Variants in EPB41L4B observed in about 807,000 individuals in gnomAD.
The protein encoded by EPB41L4B is erythrocyte membrane protein band 4.1 like 4B, also known as band 4.1-like protein 4B.
In EPB41L4B, 30 loss-of-function variants were observed where a neutral mutation model predicts 112.5. The observed-to-expected ratio is 0.27, with a 90% CI of 0.20 to 0.36. The LOEUF (loss-of-function observed/expected upper bound fraction) is 0.36. EPB41L4B is among the 10% of genes least tolerant of loss of function. The pLI is 1.00. For missense variants in EPB41L4B, 1,024 were observed against 1,133.3 expected (o/e 0.90, Z 1.38); for synonymous variants, 408 against 439.7 (o/e 0.93, Z 0.90).
intron 11 of EPB41L4B, 63 bp downstream of exon 11, chr9:109,255,448 G>A: frequency 6.3e-7 from 1 of 1,585,272 alleles, no homozygotes; most frequent in South Asian, 1.1e-5. Flanking sequence ...TCGCATACAA[G>A]AAAGAAATCA....
intron 6 of EPB41L4B, among the ~76,000 whole-genome samples, chr9:109,259,863 G>A (rs941777749): frequency 6.6e-6 from 1 of 152,112 alleles, no homozygotes; most frequent in Non-Finnish European, 1.5e-5. Context: ...TGTCTTCAAG[G>A]CTCAAGCACA....
intron 13 of EPB41L4B, among the ~76,000 whole-genome samples, chr9:109,250,075 C>T (rs1314511143): frequency 6.6e-6 from 1 of 152,202 alleles, no homozygotes; most frequent in South Asian, 2.1e-4. Flanking sequence ...CACTCGGCTT[C>T]ATCCGGAGGA....
chr9:109,262,704 T>A (rs1835259889), intron 6 of EPB41L4B, among the ~76,000 whole-genome samples: 2 of 152,212 alleles, frequency 1.3e-5, no homozygotes, highest in African/African-American at 4.8e-5. Context: ...CCCGAGGTCA[T>A]CCACCTGTCC....
chr9:109,185,403 C>T lies in EPB41L4B; in HGVS notation c.2418+86G>A, dbSNP rs113174502. 2,184 of 1,152,176 alleles carry T rather than the reference C, an allele frequency of 1.9e-3. 26 individuals are homozygous for T. The African/African-American group carries it at 0.026, about 14-fold the overall frequency. The allele number at this position is 1,152,176 out of a possible 1,614,324, so 71.4% of individuals were successfully genotyped here. ...CTGCCCGAGATCTGGGGCTTCTGCA[C>T]GCCCACCCAGGCTTCCACCTCGCCT... On this transcript the variant is annotated intron_variant, in intron 23 of 25. Transcript: ENST00000374566.
At chr9:109,254,049 C>T (rs530640052) in intron 11 of EPB41L4B, among the ~76,000 whole-genome samples, 4 of 152,316 alleles carry the variant, frequency 2.6e-5, no homozygotes, top group East Asian at 3.9e-4. Flanking sequence ...TTGCTGGTTT[C>T]GTCTGATGTA....
At chr9:109,314,503 C>T (rs1588242650) in intron 1 of EPB41L4B, among the ~76,000 whole-genome samples, 1 of 152,066 alleles carries the variant, frequency 6.6e-6, no homozygotes, top group Non-Finnish European at 1.5e-5. Context: ...TAGGCTGCGG[C>T]CCCTTCCCCC....
At chr9:109,209,037 C>T (rs376292341) in intron 17 of EPB41L4B, among the ~76,000 whole-genome samples, 2 of 152,136 alleles carry the variant, frequency 1.3e-5, no homozygotes, top group African/African-American at 4.8e-5. Flanking sequence ...CTAAATGTGA[C>T]ATATCAGCCA....
chr9:109,177,791 C>T, intron 24 of EPB41L4B, among the ~76,000 whole-genome samples: 1 of 151,108 alleles, frequency 6.6e-6, no homozygotes, highest in East Asian at 2.0e-4. Context: ...CACTGCACTC[C>T]AGCCTGGGCA....
chr9:109,308,254 C>T (rs1837290484), intron 1 of EPB41L4B, among the ~76,000 whole-genome samples: 1 of 152,080 alleles, frequency 6.6e-6, no homozygotes, highest in Middle Eastern at 3.2e-3. Flanking sequence ...AGACATTCAA[C>T]AGCTGATCTC....
At chr9:109,302,993 A>T (rs886370569) in intron 1 of EPB41L4B, among the ~76,000 whole-genome samples, 1 of 151,812 alleles carries the variant, frequency 6.6e-6, no homozygotes, top group African/African-American at 2.4e-5. Flanking sequence ...AGGTGGGAGG[A>T]TCACTCAAGC....
intron 1 of EPB41L4B, among the ~76,000 whole-genome samples, chr9:109,290,778 ACACACC>A (rs1283527751): frequency 2.0e-5 from 3 of 151,452 alleles, no homozygotes; most frequent in African/African-American, 7.3e-5. Flanking sequence ...ACACACACAC[ACACACC>A]CCCCACCAAG....
rs990808346 is a variant in EPB41L4B at position 109,251,929 on chromosome 9, T to C, written c.1280-418A>G. 5.3e-5 allele frequency among the ~76,000 whole-genome samples: 8 copies of C among 152,368 alleles called. No individual in the cohort carries two copies. In the East Asian group the frequency reaches 1.5e-3, roughly 29 times the overall value. On this transcript the variant is annotated intron_variant, in intron 12 of 25. Coordinates refer to ENST00000374566, the MANE Select transcript of EPB41L4B (RefSeq NM_019114.5). ...GTGAGGGCCTGCATGGACAGAGCCC[T>C]GGGAATGAGGTACAGCTTAGCCGCT...
At chr9:109,313,368 A>T (rs1837492308) in intron 1 of EPB41L4B, among the ~76,000 whole-genome samples, 1 of 152,228 alleles carries the variant, frequency 6.6e-6, no homozygotes, top group Admixed American at 6.5e-5. Flanking sequence ...AGTAAAATTA[A>T]TCTAGCTCTA....
intron 1 of EPB41L4B, among the ~76,000 whole-genome samples, chr9:109,310,019 G>T (rs1294490115): frequency 6.6e-6 from 1 of 152,150 alleles, no homozygotes; most frequent in Non-Finnish European, 1.5e-5. Context: ...ACACACCCAG[G>T]ATAGATGCTT....
chr9:109,243,607 C>T lies in EPB41L4B; in HGVS notation c.1409+11G>A, dbSNP rs1480712290. The T allele has an allele frequency of 3.7e-6, 6 of 1,613,838 alleles. No homozygotes were observed. The highest frequency in any genetic ancestry group is 5.1e-6 in the Non-Finnish European group (6 of 1,179,754). On this transcript the variant is annotated intron_variant, in intron 15 of 25. Coordinates refer to ENST00000374566, the MANE Select transcript of EPB41L4B (RefSeq NM_019114.5). ...TTTCGAAGGTGCAGCTCTGGAAGCACCAGCACTTACCTGACATTTGGAGAG... is the reference window on the plus strand; with the variant it reads ...TTTCGAAGGTGCAGCTCTGGAAGCATCAGCACTTACCTGACATTTGGAGAG...
At chr9:109,274,950 G>A (rs1835756439) in intron 2 of EPB41L4B, among the ~76,000 whole-genome samples, 1 of 152,238 alleles carries the variant, frequency 6.6e-6, no homozygotes. Flanking sequence ...GTGGGAAAGT[G>A]AGACAGTGCA....
Position 109,182,752 on chromosome 9 carries a change from A to C in EPB41L4B, c.2464T>G (p.Phe822Val). 6.2e-7 allele frequency: 1 copy of C among 1,612,810 alleles called. No individual in the cohort carries two copies. Among genetic ancestry groups the C allele is most frequent in the Non-Finnish European group, 8.5e-7 (1 of 1,178,774 alleles). Residue 822 changes from phenylalanine to valine, a missense_variant, in exon 24 of 26, where the codon TTC (phenylalanine) becomes GTC (valine). Phe to Val is a conservative substitution (Grantham distance 50). Coordinates refer to ENST00000374566, the MANE Select transcript of EPB41L4B (RefSeq NM_019114.5). Reference protein sequence around the residue: ...VDTMNPFPDTFTTGPQFTADF... With the variant: ...VDTMNPFPDTVTTGPQFTADF... Reference sequence around the variant, plus strand: ...ACAGTAAACTGTGGCCCTGTGGTGAAAGTATCAGGAAACGGGTTCATTGTA... The same window carrying C: ...ACAGTAAACTGTGGCCCTGTGGTGACAGTATCAGGAAACGGGTTCATTGTA...
chr9:109,198,134 T>C (rs1832707476), intron 20 of EPB41L4B, among the ~76,000 whole-genome samples: 2 of 152,162 alleles, frequency 1.3e-5, no homozygotes, highest in African/African-American at 4.8e-5. Flanking sequence ...TGAGGTGGGA[T>C]ATATCTCCCT....
rs117924294 is a variant in EPB41L4B, at chr9:109,183,007, C to A, written c.2419-210G>T. 8.1e-4 allele frequency among the ~76,000 whole-genome samples: 123 copies of A among 152,308 alleles called. 1 individual carries two copies. The East Asian group carries it at 0.016, about 20-fold the overall frequency. Reference sequence around the variant, plus strand: ...CCTGGAGTTGGACTGCAGGACGGGCCTCAGCAGGGATGACAGCCTGGAGTC... The same window carrying A: ...CCTGGAGTTGGACTGCAGGACGGGCATCAGCAGGGATGACAGCCTGGAGTC... On this transcript the variant is annotated intron_variant, in intron 23 of 25. Transcript: ENST00000374566.
Sources: allele counts gnomAD v4.1 joint callset (sites outside exome capture counted in the v4.1 genomes callset), GRCh38; gene constraint gnomAD v4.1.1; transcripts MANE v1.5; gene names NCBI Gene and HGNC (gene_info 2026-07-23, HGNC 2026-07-21).